Variants in FRRS1L observed in about 807,000 individuals in gnomAD.
The protein encoded by FRRS1L is DOMON domain-containing protein FRRS1L.
A neutral mutation model predicts 28.6 loss-of-function variants in FRRS1L; 22 were observed. The ratio of observed to expected loss-of-function variants is 0.77; its 90% CI spans 0.55 to 1.10. The LOEUF is 1.10. FRRS1L is among the 50% of genes least tolerant of loss of function. The probability of loss-of-function intolerance (pLI) is 0.00; values close to 1 mark genes in which losing one functional copy is unlikely to be tolerated. For missense variants in FRRS1L, 380 were observed against 386.9 expected, an observed-to-expected ratio of 0.98 and a Z score of 0.15; for synonymous variants, 158 against 151.4, an observed-to-expected ratio of 1.04 and a Z score of -0.32.
intron 2 of FRRS1L, 25 bp downstream of exon 2, chr9:109,149,611 T>A (rs1343451099): frequency 2.0e-5 from 30 of 1,514,652 alleles, no homozygotes; most frequent in Non-Finnish European, 2.7e-5. Context: ...AGCCTTAAAG[T>A]TATCCAACCT....
At chr9:109,149,806 C>T (rs1831308911) in intron 1 of FRRS1L, 86 bp from the exon 2 acceptor site, 5 of 890,550 alleles carry the variant, frequency 5.6e-6, no homozygotes, top group Non-Finnish European at 7.2e-6. Flanking sequence ...ACTGTTTTTT[C>T]TCACACATAT....
chr9:109,145,935 C>A (rs1195359145), intron 3 of FRRS1L, among the ~76,000 whole-genome samples: 1 of 152,144 alleles, frequency 6.6e-6, no homozygotes, highest in African/African-American at 2.4e-5. Flanking sequence ...GTGGCTCATG[C>A]CTGTAATCCC....
rs139346580 is a variant in FRRS1L at position 109,133,158 on chromosome 9, T to C, written c.*4297A>G. 6.6e-6 allele frequency: 1 copy of C among 152,338 alleles called. No homozygotes were observed. The highest frequency in any genetic ancestry group is 1.9e-4 in the East Asian group (1 of 5,194). The allele number at this position is 152,338 out of a possible 1,614,324, so 9.4% of individuals were successfully genotyped here. A position where few individuals can be genotyped will look rare whatever the true frequency, so the allele number is the denominator to read the frequency against. On this transcript the variant is annotated 3_prime_UTR_variant, in exon 5 of 5. Coordinates refer to ENST00000561981, the MANE Select transcript of FRRS1L (RefSeq NM_014334.4). Reference sequence around the variant, plus strand: ...GAAATCATGTTTATATATTCACCTTTTGACTCAGCGGAGCAATAAAAAAAG... The same window carrying C: ...GAAATCATGTTTATATATTCACCTTCTGACTCAGCGGAGCAATAAAAAAAG...
At chr9:109,153,762 T>C (rs1831367431) in intron 1 of FRRS1L, among the ~76,000 whole-genome samples, 1 of 152,162 alleles carries the variant, frequency 6.6e-6, no homozygotes, top group Non-Finnish European at 1.5e-5. Flanking sequence ...TGAATTGCAG[T>C]ACACCAGTCG....
chr9:109,146,788 C>T (rs1156855275), intron 3 of FRRS1L, among the ~76,000 whole-genome samples: 2 of 152,114 alleles, frequency 1.3e-5, no homozygotes, highest in Non-Finnish European at 2.9e-5. Context: ...TTGTTATAAG[C>T]CATATAAGGC....
rs993809223 is a variant in FRRS1L at position 109,136,480 on chromosome 9, C to G, written c.*975G>C. The G allele has an allele frequency of 6.6e-6, 1 of 151,564 alleles. No homozygotes were observed. Among genetic ancestry groups the G allele is most frequent in the African/African-American group, 2.4e-5 (1 of 41,234 alleles). 9.4% of individuals were successfully genotyped at this position (151,564 alleles called of 1,614,324 possible). On this transcript the variant is annotated 3_prime_UTR_variant, in exon 5 of 5. Transcript: ENST00000561981. ...TAGCAGTAAAAATGTTTTCCCATAG[C>G]TGCTCTCTAACTGAGAAGAAATTTC...
Position 109,147,087 on chromosome 9 carries a change from A to G in FRRS1L, c.426T>C (p.Gly142=), listed in dbSNP as rs199500767. The G allele has an allele frequency of 3.8e-4, 607 of 1,613,836 alleles. 6 individuals carry two copies. The South Asian group carries it at 6.3e-3, about 17-fold the overall frequency. ...CTGAAGAGAATCCAACTGCTACCCAACCATCTGTGTCTGCACTCAGCTCAA... is the reference window on the plus strand; with the variant it reads ...CTGAAGAGAATCCAACTGCTACCCAGCCATCTGTGTCTGCACTCAGCTCAA... ...VEFELSADTD[G]WVAVGFSSDK... is the part of the protein sequence containing the mutation. Residue 142 remains glycine (G), a synonymous_variant, in exon 3 of 5, where the codon GGT becomes GGC. Transcript: ENST00000561981.
intron 4 of FRRS1L, 185 bp from the exon 5 acceptor site, chr9:109,137,812 T>C (rs1173575283): frequency 2.9e-6 from 1 of 341,918 alleles, no homozygotes; most frequent in African/African-American, 2.1e-5. Context: ...ATAAAGAACA[T>C]AGAAATTAGT....
At chr9:109,156,751 C>T (rs1588102975) in intron 1 of FRRS1L, among the ~76,000 whole-genome samples, 5 of 150,410 alleles carry the variant, frequency 3.3e-5, no homozygotes, top group African/African-American at 9.8e-5. Flanking sequence ...TGCACTGGCA[C>T]GATGACTGTA....
chr9:109,167,076 C>G lies in FRRS1L; in HGVS notation c.63G>C (p.Thr21=). The change falls in exon 1 of 5, where the codon ACG becomes ACC. Residue 21 remains threonine (T), a synonymous_variant. Coordinates refer to ENST00000561981, the MANE Select transcript of FRRS1L (RefSeq NM_014334.4). ...GGCTGGCTGCGCAGGCGGCGGGCCC[C>G]GTCAGTAGCAGCAGGAGCAGCGACG... The part of the protein sequence containing the change: ...VWASLLLLLL[T]GPAACAASPA... 3.4e-6 allele frequency: 4 copies of G among 1,179,720 alleles called. No homozygotes were observed. Among genetic ancestry groups the G allele is most frequent in the Non-Finnish European group, 4.2e-6 (4 of 957,876 alleles). The allele number at this position is 1,179,720 out of a possible 1,614,324, so 73.1% of individuals were successfully genotyped here. A position where few individuals can be genotyped will look rare whatever the true frequency, so the allele number is the denominator to read the frequency against.
At position 109,132,479 on chromosome 9, in the gene FRRS1L, GC is replaced by G. The variant is rs1806050323; in HGVS notation, c.*4975del. 6.6e-6 allele frequency: 1 copy of G among 152,174 alleles called. No homozygotes were observed. Among genetic ancestry groups the G allele is most frequent in the African/African-American group, 2.4e-5 (1 of 41,446 alleles). The allele number at this position is 152,174 out of a possible 1,614,324, so 9.4% of individuals were successfully genotyped here. On this transcript the variant is annotated 3_prime_UTR_variant, in exon 5 of 5. Coordinates refer to ENST00000561981, the MANE Select transcript of FRRS1L (RefSeq NM_014334.4). ...ATATTAGAATGCAAGAGCATGAGAT[GC>G]CCTGTGCCATTTATTTATAAAAATA...
At chr9:109,147,026 G>A in intron 3 of FRRS1L, 25 bp downstream of exon 3, 2 of 1,607,704 alleles carry the variant, frequency 1.2e-6, no homozygotes, top group Non-Finnish European at 1.7e-6. Flanking sequence ...GAAAAAATCA[G>A]CTTCTATCAT....
chr9:109,139,120 A>C (rs2118462700), intron 4 of FRRS1L: 1 of 152,232 alleles, frequency 6.6e-6, no homozygotes, highest in Non-Finnish European at 1.5e-5. Context: ...AACTGCTTGA[A>C]CCTGGGAGGC....
chr9:109,156,863 G>C (rs1463664003), intron 1 of FRRS1L, among the ~76,000 whole-genome samples: 1 of 151,932 alleles, frequency 6.6e-6, no homozygotes, highest in East Asian at 1.9e-4. Context: ...TGTAGAGACA[G>C]GGTTTTGCCA....
chr9:109,160,917 C>G (rs145560343), intron 1 of FRRS1L, among the ~76,000 whole-genome samples: 1,898 of 151,854 alleles, frequency 0.012, 56 homozygotes, highest in African/African-American at 0.044. Context: ...CTCAGCCTCC[C>G]GAGTAGCTGG....
chr9:109,135,534 T>G lies in FRRS1L; in HGVS notation c.*1921A>C, dbSNP rs1831101338. 6.6e-6 allele frequency: 1 copy of G among 152,244 alleles called. No homozygotes were observed. Among genetic ancestry groups the G allele is most frequent in the South Asian group, 2.1e-4 (1 of 4,834 alleles). The allele number at this position is 152,244 out of a possible 1,614,324, so 9.4% of individuals were successfully genotyped here. The stretch of plus-strand genomic sequence containing the variant: ...GGCACAATTTTGGCTCACTGCAAGC[T>G]CTGCCTCCAAGGTTCAAGTGATTCT... On this transcript the variant is annotated 3_prime_UTR_variant, in exon 5 of 5. Coordinates refer to ENST00000561981, the MANE Select transcript of FRRS1L (RefSeq NM_014334.4).
At chr9:109,155,667 G>A (rs1831394755) in intron 1 of FRRS1L, among the ~76,000 whole-genome samples, 2 of 143,060 alleles carry the variant, frequency 1.4e-5, no homozygotes, top group African/African-American at 5.3e-5. Context: ...TTGCACCACT[G>A]CACTCCAGCC....
chr9:109,162,989 T>C (rs558176287), intron 1 of FRRS1L, among the ~76,000 whole-genome samples: 1 of 152,334 alleles, frequency 6.6e-6, no homozygotes, highest in East Asian at 1.9e-4. Context: ...AGGCAGGGTA[T>C]GGCTCCAAGG....
intron 1 of FRRS1L, among the ~76,000 whole-genome samples, chr9:109,165,187 G>T (rs1234275619): frequency 6.6e-6 from 1 of 152,242 alleles, no homozygotes; most frequent in Non-Finnish European, 1.5e-5. Flanking sequence ...CAGAGTGACA[G>T]ATTCCGCCAC....
Sources: allele counts gnomAD v4.1 joint callset (sites outside exome capture counted in the v4.1 genomes callset), GRCh38; gene constraint gnomAD v4.1.1; transcripts MANE v1.5; gene names NCBI Gene and HGNC (gene_info 2026-07-23, HGNC 2026-07-21).